The following PPM1K variants were observed in gnomAD, a reference collection of about 807,000 sequenced individuals.
PPM1K encodes the protein protein phosphatase, Mg2+/Mn2+ dependent 1K.
In PPM1K, 19 loss-of-function variants were observed where a neutral mutation model predicts 32.6. The ratio of observed to expected loss-of-function variants is 0.58; its 90% CI spans 0.41 to 0.86. The LOEUF (loss-of-function observed/expected upper bound fraction) is 0.86. Ranked by LOEUF, PPM1K falls within the 40% of genes least tolerant of loss-of-function variation. The probability of loss-of-function intolerance (pLI) is 0.00; values close to 1 mark genes in which losing one functional copy is unlikely to be tolerated. For missense variants in PPM1K, 362 were observed against 461.2 expected (o/e 0.78, Z 1.97); for synonymous variants, 159 against 165.3 (o/e 0.96, Z 0.29).
At chr4:88,271,180 G>GCACAGTTCTCTGC (rs1553905330) in intron 3 of PPM1K, 1 of 508,434 alleles carries the variant, frequency 2.0e-6, no homozygotes, top group Non-Finnish European at 3.9e-6. Context: ...TGCTGACCAG[G>GCACAGTTCTCTGC]CACAGTTCTC....
In PPM1K at chr4:88,275,382, G is replaced by A. The variant is rs945800649; in HGVS notation, c.541+1761C>T. On this transcript the variant is annotated intron_variant, in intron 3 of 6. Coordinates refer to ENST00000608933, the MANE Select transcript of PPM1K (RefSeq NM_152542.5). ...TTTGTGACAAAGGTATCTTTAGAAA[G>A]TTTCTTTTAAGATAGGCAAGTTAAT... 3.2e-5 allele frequency: 31 copies of A among 978,348 alleles called. No homozygotes were observed. In the African/African-American group the frequency reaches 5.4e-4, roughly 17 times the overall value. The allele number at this position is 978,348 out of a possible 1,614,324, so 60.6% of individuals were successfully genotyped here.
chr4:88,267,726 C>T (rs566173534), intron 5 of PPM1K, among the ~76,000 whole-genome samples: 72 of 152,312 alleles, frequency 4.7e-4, no homozygotes, highest in Admixed American at 1.1e-3. Flanking sequence ...TACTATCTCT[C>T]CACATTTTCC....
At chr4:88,277,581 C>A in intron 2 of PPM1K, 2 of 219,102 alleles carry the variant, frequency 9.1e-6, no homozygotes, top group South Asian at 1.1e-4. Flanking sequence ...ACTGGGAAGT[C>A]AAAAATAGTC....
In PPM1K at chr4:88,268,919, T is replaced by C. The variant is rs1191150508; in HGVS notation, c.542-13A>G. On this transcript the variant is annotated splice_polypyrimidine_tract_variant and intron_variant, in intron 3 of 6. Coordinates refer to ENST00000608933, the MANE Select transcript of PPM1K (RefSeq NM_152542.5). ...GTCAGAAGAGTTGCTACAAGTATTA[T>C]GAAAAAAAGAGTACAAGTTAGTGAC... is the stretch of plus-strand genomic sequence containing the variant. 4 of 1,585,340 alleles carry C rather than the reference T, an allele frequency of 2.5e-6. 1 individual carries two copies. The highest frequency in any genetic ancestry group is 4.5e-5 in the East Asian group (2 of 44,536).
At chr4:88,279,924 A>C (rs1241699473) in intron 1 of PPM1K, among the ~76,000 whole-genome samples, 1 of 152,238 alleles carries the variant, frequency 6.6e-6, no homozygotes, top group Non-Finnish European at 1.5e-5. Flanking sequence ...GTATAAACAT[A>C]CACAAATGAA....
intron 3 of PPM1K, chr4:88,275,272 A>C (rs1272636049): frequency 6.3e-6 from 5 of 787,512 alleles, no homozygotes; most frequent in African/African-American, 1.9e-5. Flanking sequence ...TCTCTGTATC[A>C]TTCCAATTTT....
In PPM1K at chr4:88,257,905, A is replaced by G. The variant is rs757528749; in HGVS notation, c.*4690T>C. ...CAAATGAGTCATTCTTGGAAGTGGA[A>G]GAACTCCATGATTTCACAGCCTAGA... On this transcript the variant is annotated 3_prime_UTR_variant, in exon 7 of 7. Coordinates refer to ENST00000608933, the MANE Select transcript of PPM1K (RefSeq NM_152542.5). 1 of 152,232 alleles carries G rather than the reference A, an allele frequency of 6.6e-6. No individual in the cohort carries two copies. The highest frequency in any genetic ancestry group is 1.5e-5 in the Non-Finnish European group (1 of 68,048). The allele number at this position is 152,232 out of a possible 1,614,324, so 9.4% of individuals were successfully genotyped here. A position where few individuals can be genotyped will look rare whatever the true frequency, so the allele number is the denominator to read the frequency against.
intron 2 of PPM1K, 89 bp from the exon 3 acceptor site, chr4:88,277,332 A>C (rs920620923): frequency 9.5e-6 from 8 of 840,714 alleles, no homozygotes; most frequent in Non-Finnish European, 1.4e-5. Context: ...GTCATTCCAC[A>C]CAACGGGCCT....
Position 88,278,244 on chromosome 4 carries a change from C to T in PPM1K, c.340G>A (p.Ala114Thr), listed in dbSNP as rs771991335. The change falls in exon 2 of 7, where the codon GCT (alanine) becomes ACT (threonine). Residue 114 changes from alanine to threonine, a missense_variant. Coordinates refer to ENST00000608933, the MANE Select transcript of PPM1K (RefSeq NM_152542.5). This position sits in a 1 kb window ranked among gnomAD's most constrained non-coding sequence, Gnocchi z 4.2. The stretch of plus-strand genomic sequence containing the variant: ...TACAGGACCTCATCTGTCAGCTGAG[C>T]GAAGTCAAACCGATCTTCATTCTCT... Reference protein sequence around the residue: ...RKENEDRFDFAQLTDEVLYFA... With the variant: ...RKENEDRFDFTQLTDEVLYFA... 58 of 1,614,042 alleles carry T rather than the reference C, an allele frequency of 3.6e-5. No homozygotes were observed. The highest frequency in any genetic ancestry group is 3.3e-4 in the Middle Eastern group (2 of 6,084).
chr4:88,275,629 AAGC>A (rs1314905734), intron 3 of PPM1K: 1 of 985,320 alleles, frequency 1.0e-6, no homozygotes, highest in African/African-American at 1.7e-5. Context: ...CTTGCCCAGT[AAGC>A]TGCAGCTATT....
At chr4:88,277,518 C>T (rs2110170418) in intron 2 of PPM1K, 1 of 338,940 alleles carries the variant, frequency 3.0e-6, no homozygotes, top group Middle Eastern at 8.6e-4. Context: ...AGTTCCTTCC[C>T]ATTGTGAGTT....
chr4:88,265,191 C>G, intron 5 of PPM1K, 56 bp from the exon 6 acceptor site: 1 of 1,597,656 alleles, frequency 6.3e-7, no homozygotes, highest in Non-Finnish European at 8.6e-7. Context: ...TTAGCACAAT[C>G]TCGCTAATTC....
intron 2 of PPM1K, chr4:88,277,507 G>A: frequency 5.5e-6 from 2 of 363,452 alleles, no homozygotes; most frequent in South Asian, 9.5e-5. Context: ...GAGAGGTCGA[G>A]AGTTCCTTCC....
At position 88,278,055 on chromosome 4, in the gene PPM1K, G is replaced by T; in HGVS notation, c.440+89C>A. The T allele has an allele frequency of 9.3e-7, 1 of 1,075,090 alleles. No individual in the cohort carries two copies. The highest frequency in any genetic ancestry group is 1.4e-6 in the Non-Finnish European group (1 of 738,276). 66.6% of individuals were successfully genotyped at this position (1,075,090 alleles called of 1,614,324 possible). The stretch of plus-strand genomic sequence containing the variant: ...AGCATGCAACCACTCAAGTAACTAT[G>T]TTTACGCTGGAAGCCTCAGCCAAAG... On this transcript the variant is annotated intron_variant, in intron 2 of 6. Transcript: ENST00000608933. The surrounding 1 kb of genome is among the most constrained non-coding windows in gnomAD (Gnocchi z 4.2).
rs1731850237 is a variant in PPM1K, at chr4:88,278,017, T to A, written c.440+127A>T. The A allele has an allele frequency of 2.8e-6, 2 of 713,096 alleles. No homozygotes were observed. Among genetic ancestry groups the A allele is most frequent in the Non-Finnish European group, 4.6e-6 (2 of 430,382 alleles). The allele number at this position is 713,096 out of a possible 1,614,324, so 44.2% of individuals were successfully genotyped here. Reference sequence around the variant, plus strand: ...AATGGCACACTTAAACTACTGCTCATTCGTGAAGCAGCAGCATGCAACCAC... The same window carrying A: ...AATGGCACACTTAAACTACTGCTCAATCGTGAAGCAGCAGCATGCAACCAC... On this transcript the variant is annotated intron_variant, in intron 2 of 6. Coordinates refer to ENST00000608933, the MANE Select transcript of PPM1K (RefSeq NM_152542.5). This position sits in a 1 kb window ranked among gnomAD's most constrained non-coding sequence, Gnocchi z 4.2.
chr4:88,270,479 A>G (rs1382783508), intron 3 of PPM1K, among the ~76,000 whole-genome samples: 6 of 152,234 alleles, frequency 3.9e-5, no homozygotes, highest in African/African-American at 1.4e-4. Flanking sequence ...TTATATTACA[A>G]ATGTTAACTC....
Position 88,258,070 on chromosome 4 carries a change from T to C in PPM1K, c.*4525A>G, listed in dbSNP as rs1257764297. On this transcript the variant is annotated 3_prime_UTR_variant, in exon 7 of 7. Transcript: ENST00000608933. Reference sequence around the variant, plus strand: ...TTCACCTTCTAAAGACATGACTTTATTTCTGCCTAAGTCATCTATATAAGC... The same window carrying C: ...TTCACCTTCTAAAGACATGACTTTACTTCTGCCTAAGTCATCTATATAAGC... The C allele has an allele frequency of 6.6e-6, 1 of 152,222 alleles. No individual in the cohort carries two copies. The highest frequency in any genetic ancestry group is 2.4e-5 in the African/African-American group (1 of 41,438). 9.4% of individuals were successfully genotyped at this position (152,222 alleles called of 1,614,324 possible). A position where few individuals can be genotyped will look rare whatever the true frequency, so the allele number is the denominator to read the frequency against.
rs1405605837 is a variant in PPM1K at position 88,278,702 on chromosome 4, G to C, written c.-59-60C>G. Reference sequence around the variant, plus strand: ...AGGGAGAGAGGGGCAGAGGAGGAGAGGGAGAGAGACAGAGAGAGAGAGACC... The same window carrying C: ...AGGGAGAGAGGGGCAGAGGAGGAGACGGAGAGAGACAGAGAGAGAGAGACC... On this transcript the variant is annotated intron_variant, in intron 1 of 6. Coordinates refer to ENST00000608933, the MANE Select transcript of PPM1K (RefSeq NM_152542.5). This position sits in a 1 kb window ranked among gnomAD's most constrained non-coding sequence, Gnocchi z 4.2. 2.1e-5 allele frequency: 16 copies of C among 759,578 alleles called. No individual in the cohort carries two copies. The highest frequency in any genetic ancestry group is 2.5e-5 in the Non-Finnish European group (12 of 476,082). The allele number at this position is 759,578 out of a possible 1,614,324, so 47.1% of individuals were successfully genotyped here.
At chr4:88,267,544 C>T (rs1731386858) in intron 5 of PPM1K, among the ~76,000 whole-genome samples, 1 of 152,230 alleles carries the variant, frequency 6.6e-6, no homozygotes, top group African/African-American at 2.4e-5. Flanking sequence ...AAATATTTCT[C>T]CCCGAAATAT....
Sources: allele counts gnomAD v4.1 joint callset (sites outside exome capture counted in the v4.1 genomes callset), GRCh38; gene constraint gnomAD v4.1.1; non-coding constraint Gnocchi (gnomAD v3.1); transcripts MANE v1.5; gene names NCBI Gene and HGNC (gene_info 2026-07-23, HGNC 2026-07-21).